CACNA1S: variants seen among roughly 807,000 people sequenced by gnomAD.
The protein encoded by CACNA1S is voltage-dependent L-type calcium channel subunit alpha-1S.
CACNA1S carries 126 observed loss-of-function variants against 207.4 expected under a neutral mutation model. The ratio of observed to expected loss-of-function variants is 0.61; its 90% CI spans 0.53 to 0.70. CACNA1S has a LOEUF of 0.70. Among genes scored for constraint, CACNA1S ranks in the 30% least tolerant of loss-of-function variants. CACNA1S has a pLI of 0.00. For synonymous variants in CACNA1S, 960 were observed against 932.7 expected, an observed-to-expected ratio of 1.03 and a Z score of -0.53; for missense variants, 2,349 against 2,422.8, an observed-to-expected ratio of 0.97 and a Z score of 0.64.
intron 35 of CACNA1S, 132 bp from the exon 36 acceptor site, chr1:201,048,816 C>T (rs879257371): frequency 7.0e-6 from 6 of 860,960 alleles, no homozygotes; most frequent in African/African-American, 3.3e-5. Flanking sequence ...CCAGGACATC[C>T]TTTGTGAGGG....
At chr1:201,052,779 A>G in intron 31 of CACNA1S, 131 bp from the exon 32 acceptor site, 1 of 762,732 alleles carries the variant, frequency 1.3e-6, no homozygotes, top group Non-Finnish European at 2.3e-6. Context: ...ATTGCGGGCC[A>G]CATCAGACCT....
chr1:201,108,536 G>T (rs1187228409), intron 2 of CACNA1S, among the ~76,000 whole-genome samples: 1 of 152,160 alleles, frequency 6.6e-6, no homozygotes, highest in Non-Finnish European at 1.5e-5. Context: ...TGCATTCAGG[G>T]ACATGGAGAC....
In CACNA1S at chr1:201,094,035, C is replaced by T. The variant is rs762197754; in HGVS notation, c.259-14G>A. The T allele has an allele frequency of 1.4e-5, 22 of 1,614,018 alleles. No individual in the cohort carries two copies. The Middle Eastern group carries it at 4.9e-4, about 36-fold the overall frequency. Reference sequence around the variant, plus strand: ...CTCCAGCTTCTCCTGTGGGAGCAAACGTGGTCACAGCATGCCTCTGTGCTC... The same window carrying T: ...CTCCAGCTTCTCCTGTGGGAGCAAATGTGGTCACAGCATGCCTCTGTGCTC... On this transcript the variant is annotated splice_polypyrimidine_tract_variant and intron_variant, in intron 2 of 43. Transcript: ENST00000362061.
intron 5 of CACNA1S, among the ~76,000 whole-genome samples, 186 bp downstream of exon 5, chr1:201,091,454 G>T (rs1005284668): frequency 6.6e-6 from 1 of 152,080 alleles, no homozygotes; most frequent in African/African-American, 2.4e-5. Context: ...TCACTTTCTT[G>T]GCTCACTGAC....
intron 2 of CACNA1S, among the ~76,000 whole-genome samples, chr1:201,097,238 A>T (rs1662466781): frequency 6.6e-6 from 1 of 151,632 alleles, no homozygotes; most frequent in Admixed American, 6.6e-5. Flanking sequence ...CCTTCTCCAT[A>T]CAGACCCGGC....
chr1:201,056,207 G>A (rs1020909440), intron 28 of CACNA1S, among the ~76,000 whole-genome samples: 1 of 152,196 alleles, frequency 6.6e-6, no homozygotes, highest in Non-Finnish European at 1.5e-5. Flanking sequence ...TGCATGGAGG[G>A]TGAACAGGGT....
Position 201,054,593 on chromosome 1 carries a change from G to A in CACNA1S, c.3610-32C>T, listed in dbSNP as rs747581899. 37 of 1,559,220 alleles carry A rather than the reference G, an allele frequency of 2.4e-5. No individual in the cohort carries two copies. In the East Asian group the frequency reaches 8.0e-4, roughly 34 times the overall value. On this transcript the variant is annotated intron_variant, in intron 28 of 43. Coordinates refer to ENST00000362061, the MANE Select transcript of CACNA1S (RefSeq NM_000069.3). ...AGAAAAGAGACGAAGGGAGGGGAAGGAGAGGAGAGAGAGGAGGAGGGACAT... is the reference window on the plus strand; with the variant it reads ...AGAAAAGAGACGAAGGGAGGGGAAGAAGAGGAGAGAGAGGAGGAGGGACAT...
intron 28 of CACNA1S, 69 bp from the exon 29 acceptor site, chr1:201,054,630 G>C: frequency 8.0e-7 from 1 of 1,257,814 alleles, no homozygotes; most frequent in Non-Finnish European, 1.1e-6. Flanking sequence ...TGGGAGGGAG[G>C]TGAAGAGACG....
At chr1:201,044,581 G>A (rs1660412159) in intron 38 of CACNA1S, 125 bp from the exon 39 acceptor site, 2 of 1,110,978 alleles carry the variant, frequency 1.8e-6, no homozygotes, top group South Asian at 1.4e-5. Context: ...CACAATCTGA[G>A]CTCACTGTAA....
At chr1:201,076,620 G>A (rs527588556) in intron 12 of CACNA1S, among the ~76,000 whole-genome samples, 1 of 152,216 alleles carries the variant, frequency 6.6e-6, no homozygotes, top group Non-Finnish European at 1.5e-5. Flanking sequence ...GCACGCATCC[G>A]GACTCCCAGG....
At position 201,066,275 on chromosome 1, in the gene CACNA1S, C is replaced by G; in HGVS notation, c.2699G>C (p.Arg900Thr). Residue 900 changes from arginine (R) to threonine (T), a missense_variant, in exon 21 of 44, where the codon AGG (arginine) becomes ACG (threonine). Coordinates refer to ENST00000362061, the MANE Select transcript of CACNA1S (RefSeq NM_000069.3). The surrounding 1 kb of genome is among the most constrained non-coding windows in gnomAD (Gnocchi z 4.3). ...ISVVKILRVL[R>T]VLRPLRAINR... Reference sequence around the variant, plus strand: ...GATGGCTCTGAGTGGTCGGAGCACCCTCAGCACCCTCAGGATCTTCACCAC... The same window carrying G: ...GATGGCTCTGAGTGGTCGGAGCACCGTCAGCACCCTCAGGATCTTCACCAC... 6.2e-7 allele frequency: 1 copy of G among 1,613,316 alleles called. No individual in the cohort carries two copies.
Position 201,062,059 on chromosome 1 carries a change from G to T in CACNA1S, c.2938C>A (p.Pro980Thr), listed in dbSNP as rs773023809. Reference sequence around the variant, plus strand: ...CGGTGACGCAGCTCTATCTGCATGGGGTCCCCGTCCTTGTACACGTAGTAG... The same window carrying T: ...CGGTGACGCAGCTCTATCTGCATGGTGTCCCCGTCCTTGTACACGTAGTAG... The part of the protein sequence containing the change: ...GYYYVYKDGD[P>T]MQIELRHREW... The change falls in exon 24 of 44, where the codon CCC (proline) becomes ACC (threonine). Residue 980 changes from proline to threonine, a missense_variant. Transcript: ENST00000362061. The T allele has an allele frequency of 6.2e-7, 1 of 1,614,112 alleles. No individual in the cohort carries two copies. Among genetic ancestry groups the T allele is most frequent in the South Asian group, 1.1e-5 (1 of 91,054 alleles).
Position 201,083,090 on chromosome 1 carries a change from C to G in CACNA1S, c.1393+72G>C, listed in dbSNP as rs1661896084. The G allele has an allele frequency of 2.6e-6, 4 of 1,521,086 alleles. No homozygotes were observed. The East Asian group carries it at 9.0e-5, about 34-fold the overall frequency. 94.2% of individuals were successfully genotyped at this position (1,521,086 alleles called of 1,614,324 possible). On this transcript the variant is annotated intron_variant, in intron 10 of 43. Coordinates refer to ENST00000362061, the MANE Select transcript of CACNA1S (RefSeq NM_000069.3). ...GACCTCTTCTGCACAACCTGTGGTG[C>G]CATTGGCTGATTTTGACATCAAGCC...
At chr1:201,056,136 C>G (rs1205402716) in intron 28 of CACNA1S, among the ~76,000 whole-genome samples, 2 of 152,120 alleles carry the variant, frequency 1.3e-5, no homozygotes, top group South Asian at 4.1e-4. Context: ...CCCTGCCCCT[C>G]GCTAGCTCAG....
At chr1:201,049,121 T>A in intron 34 of CACNA1S, 22 bp from the exon 35 acceptor site, 1 of 1,547,408 alleles carries the variant, frequency 6.5e-7, no homozygotes, top group Non-Finnish European at 8.9e-7. Context: ...CACACAGACT[T>A]GTGTACCTGC....
chr1:201,092,323 T>C (rs1221091367), intron 3 of CACNA1S, among the ~76,000 whole-genome samples: 2 of 152,154 alleles, frequency 1.3e-5, no homozygotes, highest in Admixed American at 1.3e-4. Context: ...AAGTTCATAC[T>C]CAGTGAAAAG....
rs1213774861 is a variant in CACNA1S, at chr1:201,089,265, A to G, written c.893T>C (p.Leu298Pro). 5 of 1,614,210 alleles carry G rather than the reference A, an allele frequency of 3.1e-6. No homozygotes were observed. The highest frequency in any genetic ancestry group is 4.2e-6 in the Non-Finnish European group (5 of 1,179,982). Residue 298 changes from leucine to proline, a missense_variant, in exon 6 of 44, where the codon CTT (leucine) becomes CCT (proline). By Grantham distance (98) the Leu-to-Pro change is moderately conservative. Transcript: ENST00000362061. Reference protein sequence around the residue: ...CITMEGWTDVLYWVNDAIGNE... With the variant: ...CITMEGWTDVPYWVNDAIGNE... ...GCGCGGGCCCAGACCCACCCAGTAA[A>G]GGACGTCAGTCCATCCCTCCATGGT...
intron 34 of CACNA1S, among the ~76,000 whole-genome samples, chr1:201,049,329 C>T (rs985369069): frequency 7.9e-5 from 12 of 152,230 alleles, no homozygotes; most frequent in African/African-American, 2.2e-4. Flanking sequence ...TCTCCTTTGG[C>T]GCATTCCCTC....
In CACNA1S at chr1:201,071,665, T is replaced by A. The variant is rs941356872; in HGVS notation, c.2227+1090A>T. 2.6e-5 allele frequency among the ~76,000 whole-genome samples: 4 copies of A among 152,156 alleles called. No homozygotes were observed. The East Asian group carries it at 7.7e-4, about 29-fold the overall frequency. On this transcript the variant is annotated intron_variant, in intron 16 of 43. Transcript: ENST00000362061. The stretch of plus-strand genomic sequence containing the variant: ...TTACTTCTTTCCAGCCCCTTCCTTG[T>A]CCCTGACCTCAGATTTCCTGTCAGC...
Sources: gnomAD v4.1 joint callset for allele counts (sites outside exome capture counted in the v4.1 genomes callset) on GRCh38, gnomAD v4.1.1 for gene constraint, Gnocchi (gnomAD v3.1) non-coding constraint, MANE v1.5 for transcripts, NCBI Gene and HGNC (gene_info 2026-07-23, HGNC 2026-07-21) for gene names.